TTC39C: variants seen among roughly 807,000 people sequenced by gnomAD.
The protein encoded by TTC39C is tetratricopeptide repeat protein 39C.
Under a neutral mutation model 76.3 loss-of-function variants are expected in TTC39C, and 33 were observed. The observed-to-expected ratio is 0.43, with a 90% CI of 0.33 to 0.58. TTC39C has a LOEUF of 0.58. TTC39C is among the 20% of genes least tolerant of loss of function. The pLI is 0.04. For missense variants in TTC39C, 595 were observed against 701.4 expected, an observed-to-expected ratio of 0.85 and a Z score of 1.71; for synonymous variants, 254 against 260.6, an observed-to-expected ratio of 0.97 and a Z score of 0.24.
chr18:24,079,401 T>TTATA lies in TTC39C; in HGVS notation c.461-1184_461-1183insTATA, dbSNP rs943398579. Among the ~76,000 whole-genome samples the TTATA allele has an allele frequency of 2.2e-3, 335 of 152,326 alleles. 1 individual carries two copies. Among genetic ancestry groups the TTATA allele is most frequent in the African/African-American group, 7.7e-3 (320 of 41,562 alleles). ...GAGGTGGTAAATCCCATGTCTTACC[T>TTATA]CTTATACTTCAAGTCGTCTTTGTGG... On this transcript the variant is annotated intron_variant, in intron 4 of 13. Coordinates refer to ENST00000317571, the MANE Select transcript of TTC39C (RefSeq NM_001135993.2).
At chr18:24,051,695 C>T (rs957125914) in intron 1 of TTC39C, among the ~76,000 whole-genome samples, 10 of 152,138 alleles carry the variant, frequency 6.6e-5, no homozygotes, top group Non-Finnish European at 8.8e-5. Flanking sequence ...AAAGTCTTTC[C>T]GTGAATTTCC....
intron 6 of TTC39C, among the ~76,000 whole-genome samples, chr18:24,092,092 C>CAAAAAAAAAAAA (rs74171390): frequency 1.5e-5 from 1 of 67,594 alleles, no homozygotes; most frequent in Non-Finnish European, 2.6e-5. Flanking sequence ...GACTCAGTCT[C>CAAAAAAAAAAAA]AAAAAAAAAA....
chr18:24,097,217 G>C (rs138864533), intron 6 of TTC39C, among the ~76,000 whole-genome samples: 1 of 152,174 alleles, frequency 6.6e-6, no homozygotes, highest in South Asian at 2.1e-4. Context: ...TTGTCCCCAC[G>C]CCCAGAAAAT....
At chr18:24,021,622 T>G (rs1220246352) in intron 1 of TTC39C, among the ~76,000 whole-genome samples, 1 of 146,404 alleles carries the variant, frequency 6.8e-6, no homozygotes, top group African/African-American at 2.5e-5. Context: ...CTTGGCTCAC[T>G]GCAACCTCCG....
chr18:24,101,304 A>AT (rs1326726972), intron 6 of TTC39C, among the ~76,000 whole-genome samples: 30 of 81,058 alleles, frequency 3.7e-4, no homozygotes, highest in African/African-American at 8.1e-4. Flanking sequence ...TTAATTTTTC[A>AT]TAAAAAAAAA....
At chr18:24,024,001 T>G (rs1436205389) in intron 1 of TTC39C, among the ~76,000 whole-genome samples, 4 of 11,312 alleles carry the variant, frequency 3.5e-4, no homozygotes, top group Admixed American at 1.0e-3. Flanking sequence ...TATATATATA[T>G]ATATATATAT....
chr18:24,038,004 T>C (rs2145686089), intron 1 of TTC39C, among the ~76,000 whole-genome samples: 1 of 152,334 alleles, frequency 6.6e-6, no homozygotes, highest in Non-Finnish European at 1.5e-5. Flanking sequence ...CAGCACTTGC[T>C]ATGCTATGCT....
chr18:24,130,180 TGAG>T (rs2085106790), intron 11 of TTC39C, 130 bp from the exon 12 acceptor site: 1 of 451,618 alleles, frequency 2.2e-6, no homozygotes, highest in Admixed American at 3.5e-5. Flanking sequence ...AGAATGAAGA[TGAG>T]GAAAGAAGAG....
chr18:24,088,981 T>A (rs2084482624), intron 6 of TTC39C, among the ~76,000 whole-genome samples: 1 of 152,210 alleles, frequency 6.6e-6, no homozygotes, highest in Non-Finnish European at 1.5e-5. Context: ...TTTCTGTATG[T>A]TTATTAAGAT....
At chr18:24,008,360 T>A (rs2083369874) in intron 1 of TTC39C, among the ~76,000 whole-genome samples, 1 of 152,224 alleles carries the variant, frequency 6.6e-6, no homozygotes, top group African/African-American at 2.4e-5. Flanking sequence ...TATCTCCTTC[T>A]TCCTCCTGCA....
intron 1 of TTC39C, chr18:24,019,825 A>G: frequency 6.6e-7 from 1 of 1,512,614 alleles, no homozygotes; most frequent in Non-Finnish European, 8.8e-7. Flanking sequence ...TATGGCATGC[A>G]AAGCCTAAAA....
At chr18:24,114,303 C>T (rs766920155) in intron 6 of TTC39C, 14 of 296,546 alleles carry the variant, frequency 4.7e-5, no homozygotes, top group African/African-American at 8.3e-5. Flanking sequence ...AAGGAGAGAA[C>T]GCTGGAGGAG....
intron 3 of TTC39C, among the ~76,000 whole-genome samples, chr18:24,068,335 G>A (rs2084193655): frequency 6.6e-6 from 1 of 152,162 alleles, no homozygotes. Flanking sequence ...CAGTGACCAC[G>A]ATGGATTATG....
Position 24,080,686 on chromosome 18 carries a change from A to T in TTC39C, c.562A>T (p.Thr188Ser). 6.2e-7 allele frequency: 1 copy of T among 1,614,118 alleles called. No homozygotes were observed. Among genetic ancestry groups the T allele is most frequent in the Non-Finnish European group, 8.5e-7 (1 of 1,179,974 alleles). ...TCAGGAGCTGTATCAGAAGAAGCTA[A>T]CTGAAGAGTCCTTGACTTCTGATGC... The part of the protein sequence containing the change: ...ALQELYQKKL[T>S]EESLTSDAAN... Residue 188 changes from threonine (T) to serine (S), a missense_variant, in exon 5 of 14, where the codon ACT becomes TCT. By Grantham distance (58) the Thr-to-Ser change is moderately conservative. Coordinates refer to ENST00000317571, the MANE Select transcript of TTC39C (RefSeq NM_001135993.2).
In TTC39C at chr18:24,132,658, T is replaced by A. The variant is rs2085147311; in HGVS notation, c.*84T>A. On this transcript the variant is annotated 3_prime_UTR_variant, in exon 14 of 14. Transcript: ENST00000317571. ...GCAGAGGACAAAGCTCTTGTGAAGATGGGCTTTTCTTCTGAAAACCACCTG... is the reference window on the plus strand; with the variant it reads ...GCAGAGGACAAAGCTCTTGTGAAGAAGGGCTTTTCTTCTGAAAACCACCTG... 5 of 1,195,102 alleles carry A rather than the reference T, an allele frequency of 4.2e-6. No individual in the cohort carries two copies. The highest frequency in any genetic ancestry group is 5.9e-6 in the Non-Finnish European group (5 of 848,704). The allele number at this position is 1,195,102 out of a possible 1,614,324, so 74.0% of individuals were successfully genotyped here.
intron 10 of TTC39C, among the ~76,000 whole-genome samples, chr18:24,126,725 G>T (rs1264649120): frequency 1.3e-5 from 2 of 151,396 alleles, no homozygotes; most frequent in East Asian, 1.9e-4. Flanking sequence ...ATAACTCACT[G>T]CAGCCTCAAA....
rs776424683 is a variant in TTC39C at position 24,128,890 on chromosome 18, C to G, written c.1425C>G (p.Cys475Trp). 6.2e-7 allele frequency: 1 copy of G among 1,612,550 alleles called. No homozygotes were observed. The highest frequency in any genetic ancestry group is 1.1e-5 in the South Asian group (1 of 90,902). The stretch of plus-strand genomic sequence containing the variant: ...TTCACTCCCCTTCTTTTTAAGCTTG[C>G]CATGAAGTGGATGACTCATCTGTTG... ...FPNLQRMSQA[C>W]HEVDDSSVVG... Residue 475 changes from cysteine (C) to tryptophan (W), a missense_variant, in exon 11 of 14, where the codon TGC becomes TGG. Cys to Trp is a radical substitution (Grantham distance 215). Coordinates refer to ENST00000317571, the MANE Select transcript of TTC39C (RefSeq NM_001135993.2).
Position 24,122,473 on chromosome 18 carries a change from G to T in TTC39C, c.1187-1361G>T, listed in dbSNP as rs373204965. 3.0e-4 allele frequency among the ~76,000 whole-genome samples: 35 copies of T among 114,826 alleles called. No homozygotes were observed. In the East Asian group the frequency reaches 5.6e-3, roughly 18 times the overall value. The allele number at this position is 114,826 out of a possible 152,430, so 75.3% of individuals were successfully genotyped here. A position where few individuals can be genotyped will look rare whatever the true frequency, so the allele number is the denominator to read the frequency against. On this transcript the variant is annotated intron_variant, in intron 8 of 13. Transcript: ENST00000317571. ...GCCGAGATCACGCCACTGCACTCCT[G>T]CCTGGTGACAGAGCAAGACTCCATC...
chr18:24,001,982 C>T (rs992599569), intron 1 of TTC39C, among the ~76,000 whole-genome samples: 2 of 152,014 alleles, frequency 1.3e-5, no homozygotes, highest in East Asian at 1.9e-4. Flanking sequence ...CCCGCCACCA[C>T]GCCCGGCTAA....
Sources: allele counts gnomAD v4.1 joint callset (sites outside exome capture counted in the v4.1 genomes callset), GRCh38; gene constraint gnomAD v4.1.1; transcripts MANE v1.5; gene names NCBI Gene and HGNC (gene_info 2026-07-23, HGNC 2026-07-21).